Variants in LRP11 observed in about 807,000 individuals in gnomAD.
LRP11 encodes the protein LDL receptor related protein 11.
LRP11 carries 25 observed loss-of-function variants against 43.1 expected under a neutral mutation model. That is an observed-to-expected ratio of 0.58 (90% confidence interval 0.42 to 0.81). LRP11 has a LOEUF of 0.81. LRP11 is among the 30% of genes least tolerant of loss of function. The pLI is 0.00. For missense variants in LRP11, 623 were observed against 665.1 expected (o/e 0.94, Z 0.70); for synonymous variants, 316 against 299.4 (o/e 1.06, Z -0.57).
At chr6:149,862,892 A>G (rs1347318366) in intron 1 of LRP11, among the ~76,000 whole-genome samples, 1 of 151,954 alleles carries the variant, frequency 6.6e-6, no homozygotes, top group Admixed American at 6.6e-5. Context: ...AAAGTTTCTT[A>G]TTTTCAACGA....
chr6:149,863,670 G>A lies in LRP11; in HGVS notation c.351C>T (p.Phe117=). 3 of 1,476,226 alleles carry A rather than the reference G, an allele frequency of 2.0e-6. No individual in the cohort carries two copies. The highest frequency in any genetic ancestry group is 2.4e-4 in the Middle Eastern group (1 of 4,222). 91.4% of individuals were successfully genotyped at this position (1,476,226 alleles called of 1,614,324 possible). A position where few individuals can be genotyped will look rare whatever the true frequency, so the allele number is the denominator to read the frequency against. Residue 117 remains phenylalanine (F), a synonymous_variant, in exon 1 of 7, where the codon TTC becomes TTT. Coordinates refer to ENST00000239367, the MANE Select transcript of LRP11 (RefSeq NM_032832.6). ...CCCGCACGGCCGCCGGCGCCCGCAG[G>A]AAGCTGGCACCCGCCGCCAGGGAGT... ...TKDSLAAGAS[F]LRAPAAVRGW... is the part of the protein sequence containing the mutation.
intron 5 of LRP11, among the ~76,000 whole-genome samples, chr6:149,828,202 A>G (rs1211448659): frequency 2.0e-5 from 3 of 151,940 alleles, no homozygotes; most frequent in Non-Finnish European, 4.4e-5. Context: ...AAAAAAAAAA[A>G]AGATTTTATT....
intron 6 of LRP11, among the ~76,000 whole-genome samples, chr6:149,823,356 C>G (rs2115370395): frequency 6.6e-6 from 1 of 152,158 alleles, no homozygotes; most frequent in East Asian, 1.9e-4. Context: ...AGTAAAGAAA[C>G]AGAGATGAAA....
intron 2 of LRP11, among the ~76,000 whole-genome samples, 189 bp from the exon 3 acceptor site, chr6:149,843,313 A>C (rs1369977056): frequency 6.6e-6 from 1 of 152,146 alleles, no homozygotes; most frequent in Non-Finnish European, 1.5e-5. Flanking sequence ...GTTCTAGTTT[A>C]TTTAGGTGGC....
At chr6:149,853,713 T>C (rs773906994) in intron 1 of LRP11, among the ~76,000 whole-genome samples, 2 of 152,192 alleles carry the variant, frequency 1.3e-5, no homozygotes, top group Non-Finnish European at 1.5e-5. Flanking sequence ...GGTTTTGCCA[T>C]GTTGGCCAGG....
intron 4 of LRP11, 76 bp from the exon 5 acceptor site, chr6:149,836,373 G>T: frequency 1.6e-6 from 2 of 1,268,042 alleles, no homozygotes; most frequent in Non-Finnish European, 2.3e-6. Flanking sequence ...TACATCTGCA[G>T]CTGATTTAAA....
chr6:149,844,284 C>T (rs544474621), intron 2 of LRP11, among the ~76,000 whole-genome samples: 2 of 152,128 alleles, frequency 1.3e-5, no homozygotes, highest in Non-Finnish European at 2.9e-5. Flanking sequence ...TTTAACTGGC[C>T]CTCTTACTGT....
Position 149,853,050 on chromosome 6 carries a change from G to T in LRP11, c.724C>A (p.Gln242Lys), listed in dbSNP as rs770892015. ...RESTDDHAIV[Q>K]YEWALLQGDP... ...CCCTGCAGCAGTGCCCACTCATACT[G>T]GACGATGGCGTGGTCATCTGTGCTC... Residue 242 changes from glutamine (Q) to lysine (K), a missense_variant, in exon 2 of 7, where the codon CAG (glutamine) becomes AAG (lysine). Gln to Lys is a moderately conservative substitution (Grantham distance 53, BLOSUM62 1). Transcript: ENST00000239367. 1.9e-6 allele frequency: 3 copies of T among 1,612,584 alleles called. No individual in the cohort carries two copies. The highest frequency in any genetic ancestry group is 1.3e-5 in the African/African-American group (1 of 74,806).
intron 2 of LRP11, 95 bp downstream of exon 2, chr6:149,852,908 C>A: frequency 1.8e-6 from 2 of 1,110,588 alleles, no homozygotes; most frequent in Non-Finnish European, 2.5e-6. Flanking sequence ...CTTCTGCTAG[C>A]GTACAGACAT....
At chr6:149,858,052 TA>T (rs752444308) in intron 1 of LRP11, among the ~76,000 whole-genome samples, 47 of 152,338 alleles carry the variant, frequency 3.1e-4, no homozygotes, top group Admixed American at 1.1e-3. Context: ...TCTTTTTAAT[TA>T]TTTTTTTATT....
intron 6 of LRP11, among the ~76,000 whole-genome samples, chr6:149,822,668 TAGAC>T (rs1201108284): frequency 6.6e-6 from 1 of 152,140 alleles, no homozygotes; most frequent in Non-Finnish European, 1.5e-5. Flanking sequence ...TAAGTCTGGG[TAGAC>T]AGACATTTAA....
At chr6:149,857,319 C>T (rs1776814297) in intron 1 of LRP11, among the ~76,000 whole-genome samples, 1 of 151,928 alleles carries the variant, frequency 6.6e-6, no homozygotes, top group Non-Finnish European at 1.5e-5. Flanking sequence ...ACTGCTTGAG[C>T]CCAGGAGTTC....
chr6:149,859,118 A>C (rs1278077912), intron 1 of LRP11, among the ~76,000 whole-genome samples: 1 of 152,044 alleles, frequency 6.6e-6, no homozygotes, highest in African/African-American at 2.4e-5. Context: ...GGTCTCTGCC[A>C]CATATTTCCC....
rs1233394387 is a variant in LRP11, at chr6:149,864,077, G to GAGACGC, written c.-58_-57insGCGTCT. On this transcript the variant is annotated 5_prime_UTR_variant, in exon 1 of 7. Transcript: ENST00000239367. Reference sequence around the variant, plus strand: ...CGGGGCTGAGCGCGGGAGGAAGGCGGGGACGCGGGCGAGCGCGGGCCCTGG... The same window carrying GAGACGC: ...CGGGGCTGAGCGCGGGAGGAAGGCGGAGACGCGGACGCGGGCGAGCGCGGGCCCTGG... 11 of 1,247,616 alleles carry GAGACGC rather than the reference G, an allele frequency of 8.8e-6. No homozygotes were observed. In the African/African-American group the frequency reaches 1.8e-4, roughly 20 times the overall value. The allele number at this position is 1,247,616 out of a possible 1,614,324, so 77.3% of individuals were successfully genotyped here.
At position 149,863,531 on chromosome 6, in the gene LRP11, T is replaced by C; in HGVS notation, c.490A>G (p.Asn164Asp). 1 of 1,357,766 alleles carries C rather than the reference T, an allele frequency of 7.4e-7. No homozygotes were observed. The highest frequency in any genetic ancestry group is 9.4e-7 in the Non-Finnish European group (1 of 1,065,276). 84.1% of individuals were successfully genotyped at this position (1,357,766 alleles called of 1,614,324 possible). Residue 164 changes from asparagine (N) to aspartate (D), a missense_variant, in exon 1 of 7, where the codon AAC (asparagine) becomes GAC (aspartate). Transcript: ENST00000239367. ...ACGTTGCGGCCGCGCGCCGTGCAGTTGAAGAGGTAGCAGCCGAGCACGGCT... is the reference window on the plus strand; with the variant it reads ...ACGTTGCGGCCGCGCGCCGTGCAGTCGAAGAGGTAGCAGCCGAGCACGGCT... ...PAAVLGCYLF[N>D]CTARGRNVCK...
intron 6 of LRP11, among the ~76,000 whole-genome samples, chr6:149,824,784 C>T (rs772584916): frequency 3.3e-5 from 5 of 152,140 alleles, no homozygotes; most frequent in Admixed American, 6.6e-5. Context: ...CGTTTGAACC[C>T]GGGAAGCAGA....
At chr6:149,838,903 C>T (rs1407824063) in intron 3 of LRP11, among the ~76,000 whole-genome samples, 1 of 152,088 alleles carries the variant, frequency 6.6e-6, no homozygotes, top group Non-Finnish European at 1.5e-5. Context: ...AGAAGCAGGT[C>T]ACAGGAGCTC....
chr6:149,863,764 T>A lies in LRP11; in HGVS notation c.257A>T (p.Gln86Leu). Residue 86 changes from glutamine to leucine, a missense_variant, in exon 1 of 7, where the codon CAG becomes CTG. Gln to Leu is a moderately radical substitution (Grantham distance 113). Coordinates refer to ENST00000239367, the MANE Select transcript of LRP11 (RefSeq NM_032832.6). ...ELELRAGGGP[Q>L]EDCPGPGSGG... is the part of the protein sequence containing the mutation. ...GCTGCCCGGGCCCGGGCAGTCCTCC[T>A]GGGGGCCGCCGCCCGCGCGCAGCTC... 3 of 1,476,172 alleles carry A rather than the reference T, an allele frequency of 2.0e-6. No homozygotes were observed. Among genetic ancestry groups the A allele is most frequent in the Middle Eastern group, 2.3e-4 (1 of 4,378 alleles). The allele number at this position is 1,476,172 out of a possible 1,614,324, so 91.4% of individuals were successfully genotyped here. A position where few individuals can be genotyped will look rare whatever the true frequency, so the allele number is the denominator to read the frequency against.
chr6:149,820,815 A>C, intron 6 of LRP11, 112 bp from the exon 7 acceptor site: 1 of 599,396 alleles, frequency 1.7e-6, no homozygotes, highest in Non-Finnish European at 3.0e-6. Context: ...ATCCAAACAA[A>C]TTGTTATTAG....
Sources: gnomAD v4.1 joint callset for allele counts (sites outside exome capture counted in the v4.1 genomes callset) on GRCh38, gnomAD v4.1.1 for gene constraint, MANE v1.5 for transcripts, NCBI Gene and HGNC (gene_info 2026-07-23, HGNC 2026-07-21) for gene names.